The following NRG3 variants were observed in gnomAD, a reference collection of about 807,000 sequenced individuals.
NRG3 encodes the protein neuregulin 3, also known as pro-neuregulin-3, membrane-bound isoform.
NRG3 carries 31 observed loss-of-function variants against 66.9 expected under a neutral mutation model. That is an observed-to-expected ratio of 0.46 (90% CI 0.35 to 0.63). The LOEUF (loss-of-function observed/expected upper bound fraction) is 0.63, where lower values mean the gene tolerates loss of function less well. Among genes scored for constraint, NRG3 ranks in the 20% least tolerant of loss-of-function variants. The pLI is 0.00. For missense variants in NRG3, 910 were observed against 878.9 expected, an observed-to-expected ratio of 1.04 and a Z score of -0.45; for synonymous variants, 393 against 359.4, an observed-to-expected ratio of 1.09 and a Z score of -1.06.
At chr10:82,945,795 C>T (rs1848964794) in intron 4 of NRG3, among the ~76,000 whole-genome samples, 1 of 152,166 alleles carries the variant, frequency 6.6e-6, no homozygotes, top group African/African-American at 2.4e-5. Context: ...ATTTCCAACA[C>T]AGGAACTTTG....
intron 1 of NRG3, chr10:82,232,739 C>T: frequency 1.4e-6 from 1 of 717,160 alleles, no homozygotes; most frequent in African/African-American, 1.7e-5. Context: ...TTTCTACTCA[C>T]AGGTCCTAGA....
intron 2 of NRG3, among the ~76,000 whole-genome samples, chr10:82,517,631 C>A (rs1029212695): frequency 6.9e-6 from 1 of 145,366 alleles, no homozygotes; most frequent in Non-Finnish European, 1.5e-5. Flanking sequence ...CTCACCCCGC[C>A]CCCCCGTGTG....
intron 2 of NRG3, among the ~76,000 whole-genome samples, chr10:82,433,103 C>T (rs542119637): frequency 6.6e-5 from 10 of 152,266 alleles, no homozygotes; most frequent in Admixed American, 2.6e-4. Flanking sequence ...GTTCCTATTT[C>T]CTCACAGCCT....
intron 2 of NRG3, among the ~76,000 whole-genome samples, chr10:82,687,199 T>C (rs2134171427): frequency 6.6e-6 from 1 of 152,338 alleles, no homozygotes; most frequent in Middle Eastern, 3.4e-3. Flanking sequence ...CAAAATGTAC[T>C]TTTCCCTGGT....
At chr10:82,175,376 C>T (rs939087418) in intron 1 of NRG3, among the ~76,000 whole-genome samples, 3 of 152,196 alleles carry the variant, frequency 2.0e-5, no homozygotes, top group African/African-American at 7.2e-5. Flanking sequence ...CCTCCTTTAG[C>T]AGCAGCGCCT....
intron 2 of NRG3, among the ~76,000 whole-genome samples, chr10:82,646,882 C>A (rs1238240324): frequency 6.6e-6 from 1 of 151,042 alleles, no homozygotes; most frequent in Non-Finnish European, 1.5e-5. Context: ...AGGTGCCCAC[C>A]AAATTTAGGC....
intron 2 of NRG3, among the ~76,000 whole-genome samples, chr10:82,536,685 T>C (rs1394403522): frequency 6.6e-6 from 1 of 152,004 alleles, no homozygotes; most frequent in Non-Finnish European, 1.5e-5. Context: ...TGAATTACCA[T>C]GTTGTAGTAA....
intron 4 of NRG3, among the ~76,000 whole-genome samples, chr10:82,915,345 A>G (rs918221386): frequency 1.3e-5 from 2 of 152,212 alleles, no homozygotes; most frequent in South Asian, 2.1e-4. Context: ...TTACATGCCA[A>G]AAAAGAAACT....
At chr10:82,269,181 T>C (rs1173864210) in intron 1 of NRG3, among the ~76,000 whole-genome samples, 1 of 152,170 alleles carries the variant, frequency 6.6e-6, no homozygotes, top group Non-Finnish European at 1.5e-5. Flanking sequence ...ATCCACTCTT[T>C]CTAGAAGTTC....
chr10:82,491,482 A>G (rs1264192823), intron 2 of NRG3, among the ~76,000 whole-genome samples: 1 of 151,512 alleles, frequency 6.6e-6, no homozygotes, highest in East Asian at 1.9e-4. Context: ...CTGAGACATA[A>G]TAGGTCCTCA....
chr10:82,208,167 G>A (rs1314060279), intron 1 of NRG3, among the ~76,000 whole-genome samples: 1 of 152,078 alleles, frequency 6.6e-6, no homozygotes, highest in Non-Finnish European at 1.5e-5. Flanking sequence ...ATTTAAAAAG[G>A]TGTGTCTGAG....
At chr10:82,737,417 G>A (rs2134727847) in intron 2 of NRG3, among the ~76,000 whole-genome samples, 1 of 152,242 alleles carries the variant, frequency 6.6e-6, no homozygotes, top group Non-Finnish European at 1.5e-5. Flanking sequence ...AGAAAACAAA[G>A]CATATTTTAA....
At chr10:82,810,501 G>A (rs939736770) in intron 3 of NRG3, among the ~76,000 whole-genome samples, 2 of 152,116 alleles carry the variant, frequency 1.3e-5, no homozygotes, top group African/African-American at 2.4e-5. Flanking sequence ...TGTGGCTCAC[G>A]CCTGTAATCC....
At chr10:82,139,793 A>G (rs2069636719) in intron 1 of NRG3, among the ~76,000 whole-genome samples, 1 of 152,190 alleles carries the variant, frequency 6.6e-6, no homozygotes, top group Non-Finnish European at 1.5e-5. Context: ...AAAATGACTT[A>G]TAAGCTTGAT....
intron 3 of NRG3, among the ~76,000 whole-genome samples, chr10:82,778,866 G>A (rs995478897): frequency 6.6e-6 from 1 of 152,144 alleles, no homozygotes; most frequent in African/African-American, 2.4e-5. Flanking sequence ...CCTAGGCTCT[G>A]TGTAGACAGG....
intron 2 of NRG3, among the ~76,000 whole-genome samples, chr10:82,723,881 G>A (rs2057443632): frequency 6.6e-6 from 1 of 152,090 alleles, no homozygotes; most frequent in South Asian, 2.1e-4. Context: ...TTGGGAGGTT[G>A]AGACAGGAGA....
intron 1 of NRG3, among the ~76,000 whole-genome samples, chr10:82,241,801 G>A (rs1316506318): frequency 6.6e-6 from 1 of 152,146 alleles, no homozygotes; most frequent in African/African-American, 2.4e-5. Flanking sequence ...TCTTTTGGAA[G>A]TACATCGCGA....
At chr10:82,345,455 T>C (rs1472516871) in intron 1 of NRG3, among the ~76,000 whole-genome samples, 16 of 151,932 alleles carry the variant, frequency 1.1e-4, no homozygotes, top group Non-Finnish European at 1.9e-4. Flanking sequence ...CATGCTGTTT[T>C]GGTTACTATA....
At chr10:82,177,048 C>T (rs760391884) in intron 1 of NRG3, among the ~76,000 whole-genome samples, 59 of 151,796 alleles carry the variant, frequency 3.9e-4, no homozygotes, top group Non-Finnish European at 6.9e-4. Flanking sequence ...TCCTTACCTG[C>T]GTAATAATGA....
Sources: gnomAD v4.1 joint callset for allele counts (sites outside exome capture counted in the v4.1 genomes callset) on GRCh38, gnomAD v4.1.1 for gene constraint, MANE v1.5 for transcripts, NCBI Gene and HGNC (gene_info 2026-07-23, HGNC 2026-07-21) for gene names.